The following TMX2 variants were observed in gnomAD, a reference collection of about 807,000 sequenced individuals.
The protein encoded by TMX2 is thioredoxin-related transmembrane protein 2.
A neutral mutation model predicts 33.4 loss-of-function variants in TMX2; 20 were observed. The ratio of observed to expected loss-of-function variants is 0.60; its 90% confidence interval spans 0.42 to 0.87. The LOEUF is 0.87. Ranked by LOEUF, TMX2 falls within the 40% of genes least tolerant of loss-of-function variation. The probability of loss-of-function intolerance (pLI) is 0.00; values close to 1 mark genes in which losing one functional copy is unlikely to be tolerated. For synonymous variants in TMX2, 166 were observed against 140.7 expected (o/e 1.18, Z -1.27); for missense variants, 340 against 370.7 (o/e 0.92, Z 0.68).
intron 1 of TMX2, among the ~76,000 whole-genome samples, chr11:57,731,810 A>G (rs1279312357): frequency 3.3e-5 from 5 of 152,134 alleles, no homozygotes; most frequent in Non-Finnish European, 7.3e-5. Context: ...TGTCATTCTG[A>G]TAAGAATTTT....
chr11:57,714,668 A>G (rs1400456559), intron 1 of TMX2, among the ~76,000 whole-genome samples: 1 of 152,100 alleles, frequency 6.6e-6, no homozygotes, highest in African/African-American at 2.4e-5. Context: ...ATCATGGCTC[A>G]CTGTAGTCTT....
chr11:57,738,378 C>T lies in TMX2; in HGVS notation c.389C>T (p.Pro130Leu). 2 of 1,611,690 alleles carry T rather than the reference C, an allele frequency of 1.2e-6. No homozygotes were observed. The highest frequency in any genetic ancestry group is 1.7e-5 in the Admixed American group (1 of 59,980). Residue 130 changes from proline to leucine, a missense_variant, in exon 4 of 8, where the codon CCC (proline) becomes CTC (leucine). Around this residue, in one of 3 missense-constraint regions of TMX2, gnomAD observed 209 missense variants for 241.6 expected, o/e 0.87. Coordinates refer to ENST00000278422, the MANE Select transcript of TMX2 (RefSeq NM_015959.4). ...GTGTTCCTGATGACGTGCAAACCCC[C>T]CCTATATATGGGCCCTGAGTATATC... is the stretch of plus-strand genomic sequence containing the variant. ...CIVFLMTCKP[P>L]LYMGPEYIKY...
chr11:57,725,701 C>T (rs1163441369), intron 1 of TMX2, among the ~76,000 whole-genome samples: 1 of 151,818 alleles, frequency 6.6e-6, no homozygotes, highest in Non-Finnish European at 1.5e-5. Context: ...TGTGCCACTG[C>T]ACTCCAGCCT....
chr11:57,712,663 G>T lies in TMX2; in HGVS notation c.45G>T (p.Pro15=). The T allele has an allele frequency of 6.2e-7, 1 of 1,614,178 alleles. No individual in the cohort carries two copies. The highest frequency in any genetic ancestry group is 8.5e-7 in the Non-Finnish European group (1 of 1,180,030). ...TAATTGCTCTCGTGTATTCGGTGCC[G>T]CGACTTTCACGATGGCTCGCCCAAC... ...APLIALVYSV[P]RLSRWLAQPY... The change falls in exon 1 of 8, where the codon CCG becomes CCT. Residue 15 remains proline (P), a synonymous_variant. Coordinates refer to ENST00000278422, the MANE Select transcript of TMX2 (RefSeq NM_015959.4).
chr11:57,719,514 C>CTTTTTTTTTTTTTTTTTTT (rs1183104624), intron 1 of TMX2, among the ~76,000 whole-genome samples: 1 of 70,532 alleles, frequency 1.4e-5, no homozygotes, highest in Non-Finnish European at 2.5e-5. Context: ...TTTTCTTTGT[C>CTTTTTTTTTTTTTTTTTTT]TTTTTTTTTT....
chr11:57,735,864 A>G (rs927002183), intron 1 of TMX2, among the ~76,000 whole-genome samples: 7 of 152,232 alleles, frequency 4.6e-5, no homozygotes, highest in African/African-American at 1.7e-4. Flanking sequence ...TAGCCTGGCC[A>G]GATCCACTGC....
chr11:57,717,510 G>A (rs1396873033), intron 1 of TMX2, among the ~76,000 whole-genome samples: 1 of 152,016 alleles, frequency 6.6e-6, no homozygotes, highest in Non-Finnish European at 1.5e-5. Flanking sequence ...AGACCAGCCC[G>A]GCCAACACAG....
At chr11:57,716,541 C>T (rs1191806827) in intron 1 of TMX2, among the ~76,000 whole-genome samples, 10 of 128,614 alleles carry the variant, frequency 7.8e-5, no homozygotes, top group Middle Eastern at 5.4e-3. Context: ...CCTCACCTCC[C>T]GGACGGGGCG....
At chr11:57,734,151 T>G (rs1045025322) in intron 1 of TMX2, among the ~76,000 whole-genome samples, 1 of 83,520 alleles carries the variant, frequency 1.2e-5, no homozygotes, top group African/African-American at 4.8e-5. Flanking sequence ...AGAGAGACCC[T>G]GTCTCCAAAA....
chr11:57,722,371 G>C (rs1947693482), intron 1 of TMX2, among the ~76,000 whole-genome samples: 1 of 152,174 alleles, frequency 6.6e-6, no homozygotes, highest in Non-Finnish European at 1.5e-5. Flanking sequence ...TCAGGTGTGA[G>C]TCACTGCACC....
intron 1 of TMX2, among the ~76,000 whole-genome samples, chr11:57,714,688 G>A (rs1946864765): frequency 6.6e-6 from 1 of 152,004 alleles, no homozygotes; most frequent in Non-Finnish European, 1.5e-5. Context: ...TAACCTCCTG[G>A]GCAAAGCCAT....
Position 57,712,651 on chromosome 11 carries a change from G to A in TMX2, c.33G>A (p.Val11=), listed in dbSNP as rs771553271. The change falls in exon 1 of 8, where the codon GTG becomes GTA. Residue 11 remains valine, a synonymous_variant. Transcript: ENST00000278422. ...TCTTGGCACCTCTAATTGCTCTCGTGTATTCGGTGCCGCGACTTTCACGAT... is the reference window on the plus strand; with the variant it reads ...TCTTGGCACCTCTAATTGCTCTCGTATATTCGGTGCCGCGACTTTCACGAT... The part of the protein sequence containing the change: MAVLAPLIAL[V]YSVPRLSRWL... The A allele has an allele frequency of 6.2e-7, 1 of 1,614,140 alleles. No homozygotes were observed. The highest frequency in any genetic ancestry group is 8.5e-7 in the Non-Finnish European group (1 of 1,180,018).
chr11:57,731,103 C>T (rs1440950844), intron 1 of TMX2, among the ~76,000 whole-genome samples: 2 of 143,742 alleles, frequency 1.4e-5, no homozygotes, highest in South Asian at 2.2e-4. Flanking sequence ...AAAAGTGCCA[C>T]TCTTTCCGTT....
Position 57,737,960 on chromosome 11 carries a change from G to T in TMX2, c.298G>T (p.Ala100Ser), listed in dbSNP as rs900692753. Residue 100 changes from alanine to serine, a missense_variant, in exon 3 of 8, where the codon GCC (alanine) becomes TCC (serine). Transcript: ENST00000278422. ...IGNIFMFSKV[A>S]NTILFFRLDI... ...CAACATTTTCATGTTTAGTAAAGTG[G>T]CCAACACAATTCTTTTCTTCCGCTT... 8.7e-6 allele frequency: 14 copies of T among 1,613,950 alleles called. No individual in the cohort carries two copies. The African/African-American group carries it at 1.5e-4, about 17-fold the overall frequency.
At chr11:57,728,315 A>G (rs575874595) in intron 1 of TMX2, among the ~76,000 whole-genome samples, 5 of 152,162 alleles carry the variant, frequency 3.3e-5, no homozygotes, top group African/African-American at 1.2e-4. Context: ...GGCGCCCGCC[A>G]CCATGCCTGG....
At chr11:57,739,064 T>C (rs1376291542) in intron 6 of TMX2, 25 bp downstream of exon 6, 1 of 1,614,090 alleles carries the variant, frequency 6.2e-7, no homozygotes, top group Admixed American at 1.7e-5. Context: ...GGGCAGAGGG[T>C]CTGAGCAGGG....
chr11:57,737,057 T>C (rs1948793842), intron 1 of TMX2, among the ~76,000 whole-genome samples: 2 of 152,334 alleles, frequency 1.3e-5, no homozygotes, highest in East Asian at 1.9e-4. Flanking sequence ...TAATCTGTTA[T>C]CTCATTTAAT....
intron 1 of TMX2, among the ~76,000 whole-genome samples, chr11:57,731,367 C>T (rs1479177785): frequency 2.0e-5 from 3 of 149,188 alleles, no homozygotes; most frequent in African/African-American, 7.4e-5. Flanking sequence ...CTCCTGACAT[C>T]AGGTGATCTG....
At chr11:57,727,391 GT>G (rs1382901408) in intron 1 of TMX2, among the ~76,000 whole-genome samples, 1 of 151,874 alleles carries the variant, frequency 6.6e-6, no homozygotes. Context: ...ACCTGCTGGT[GT>G]TTGTTGGTCT....
Sources: allele counts gnomAD v4.1 joint callset (sites outside exome capture counted in the v4.1 genomes callset), GRCh38; gene constraint gnomAD v4.1.1; regional missense constraint gnomAD v4.1.1; transcripts MANE v1.5; gene names NCBI Gene and HGNC (gene_info 2026-07-23, HGNC 2026-07-21).